The following CHRNA3 variants were observed in gnomAD, a reference collection of about 807,000 sequenced individuals.
CHRNA3 encodes cholinergic receptor nicotinic alpha 3 subunit, also known as neuronal acetylcholine receptor subunit alpha-3.
A neutral mutation model predicts 41.9 loss-of-function variants in CHRNA3; 34 were observed. The observed-to-expected ratio is 0.81, with a 90% CI of 0.62 to 1.08. The LOEUF is 1.08. Ranked by LOEUF, CHRNA3 falls within the 50% of genes least tolerant of loss-of-function variation. CHRNA3 has a pLI of 0.00. For missense variants in CHRNA3, 542 were observed against 638.3 expected (o/e 0.85, Z 1.63); for synonymous variants, 281 against 265.2 (o/e 1.06, Z -0.58).
downstream of CHRNA3, chr15:78,593,711 TTGATA>T (rs955565213): frequency 6.6e-6 from 1 of 152,454 alleles, no homozygotes; most frequent in African/African-American, 2.4e-5. Flanking sequence ...AGCTGACTAC[TTGATA>T]TAATTACTTA....
chr15:78,594,818 G>T (rs151172211), downstream of CHRNA3: 1 of 152,216 alleles, frequency 6.6e-6, no homozygotes, highest in East Asian at 1.9e-4. Flanking sequence ...TACAATAATA[G>T]AATCTTAGAG....
chr15:78,618,561 A>G (rs2053499971), intron 3 of CHRNA3, 56 bp downstream of exon 3: 1 of 1,606,816 alleles, frequency 6.2e-7, no homozygotes, highest in African/African-American at 1.3e-5. Context: ...GTTCACCTAA[A>G]GCAAATAAAA....
chr15:78,594,714 A>AATC (rs1486629058), downstream of CHRNA3: 1 of 152,232 alleles, frequency 6.6e-6, no homozygotes, highest in South Asian at 2.1e-4. Context: ...GTGAGAAAAC[A>AATC]ATCTTCTAAT....
chr15:78,611,624 C>A (rs182511257), intron 4 of CHRNA3, among the ~76,000 whole-genome samples: 1 of 151,974 alleles, frequency 6.6e-6, no homozygotes, highest in Non-Finnish European at 1.5e-5. Flanking sequence ...ATACTGAATG[C>A]GCACAAACTG....
chr15:78,620,561 G>A, intron 1 of CHRNA3, 152 bp downstream of exon 1: 2 of 1,298,922 alleles, frequency 1.5e-6, no homozygotes, highest in Admixed American at 8.2e-5. Flanking sequence ...GTCGCCGCCG[G>A]GCTGGAGCCA....
Position 78,601,489 on chromosome 15 carries a change from G to T in CHRNA3, c.1153C>A (p.Arg385Ser), listed in dbSNP as rs76018802. The T allele has an allele frequency of 6.2e-7, 1 of 1,614,044 alleles. No homozygotes were observed. The highest frequency in any genetic ancestry group is 1.3e-5 in the African/African-American group (1 of 74,912). Reference sequence around the variant, plus strand: ...TCCTTGCAGCCTTTGGACTCTGCGCGGCTGAAGCAATTCAGATTTGAGAGC... The same window carrying T: ...TCCTTGCAGCCTTTGGACTCTGCGCTGCTGAAGCAATTCAGATTTGAGAGC... Reference protein sequence around the residue: ...AELSNLNCFSRAESKGCKEGY... With the variant: ...AELSNLNCFSSAESKGCKEGY... Residue 385 changes from arginine to serine, a missense_variant, in exon 5 of 6, where the codon CGC (arginine) becomes AGC (serine). By Grantham distance (110) the Arg-to-Ser change is moderately radical (BLOSUM62 -1). Transcript: ENST00000326828.
At chr15:78,618,426 C>T (rs2053497775) in intron 3 of CHRNA3, 191 bp downstream of exon 3, 2 of 626,516 alleles carry the variant, frequency 3.2e-6, no homozygotes, top group Non-Finnish European at 2.8e-6. Flanking sequence ...CCCTACAGTC[C>T]TTCCAGGGGG....
At position 78,596,710 on chromosome 15, in the gene CHRNA3, A is replaced by G; in HGVS notation, c.1412T>C (p.Val471Ala). The G allele has an allele frequency of 3.7e-6, 6 of 1,611,304 alleles. No homozygotes were observed. The highest frequency in any genetic ancestry group is 5.1e-6 in the Non-Finnish European group (6 of 1,179,458). Reference sequence around the variant, plus strand: ...AAAAATACGATCAATCACCATGGCAACATACTTCCAATCATCTTGAATCTG... The same window carrying G: ...AAAAATACGATCAATCACCATGGCAGCATACTTCCAATCATCTTGAATCTG... ...AKEIQDDWKY[V>A]AMVIDRIFLW... The change falls in exon 6 of 6, where the codon GTT (valine) becomes GCT (alanine). Residue 471 changes from valine (V) to alanine (A), a missense_variant. Physicochemically the swap from Val to Ala is moderately conservative, Grantham distance 64 (BLOSUM62 0). Coordinates refer to ENST00000326828, the MANE Select transcript of CHRNA3 (RefSeq NM_000743.5).
Position 78,618,675 on chromosome 15 carries a change from T to C in CHRNA3, c.223-14A>G, listed in dbSNP as rs77368871. ...GTTTACTTCATCCTAGAAAGAGGAA[T>C]TAAAGTTGACAGGAGAATTACAAAA... On this transcript the variant is annotated splice_polypyrimidine_tract_variant and intron_variant, in intron 2 of 5. Transcript: ENST00000326828. 1,484 of 1,613,786 alleles carry C rather than the reference T, an allele frequency of 9.2e-4. 1 individual carries two copies. Among genetic ancestry groups the C allele is most frequent in the Non-Finnish European group, 1.2e-3 (1,451 of 1,180,006 alleles).
At chr15:78,618,387 C>A (rs2053497407) in intron 3 of CHRNA3, 5 of 567,062 alleles carry the variant, frequency 8.8e-6, no homozygotes, top group East Asian at 5.9e-5. Flanking sequence ...CAGGCTGCAA[C>A]CTGTCCATCT....
intron 4 of CHRNA3, among the ~76,000 whole-genome samples, chr15:78,604,343 G>A (rs542786670): frequency 3.9e-5 from 6 of 152,292 alleles, no homozygotes; most frequent in East Asian, 1.9e-4. Context: ...GAAAACTGAC[G>A]GTCAAAGGAC....
At chr15:78,604,230 G>A (rs751088278) in intron 4 of CHRNA3, among the ~76,000 whole-genome samples, 28 of 152,316 alleles carry the variant, frequency 1.8e-4, no homozygotes, top group African/African-American at 5.1e-4. Flanking sequence ...AGCTGTGACC[G>A]TCACTGTATG....
chr15:78,594,815 A>G (rs1033619194), downstream of CHRNA3: 2 of 152,242 alleles, frequency 1.3e-5, no homozygotes, highest in African/African-American at 4.8e-5. Context: ...AATTACAATA[A>G]TAGAATCTTA....
chr15:78,610,732 G>A (rs1011725752), intron 4 of CHRNA3, among the ~76,000 whole-genome samples: 1 of 151,354 alleles, frequency 6.6e-6, no homozygotes. Context: ...AATCAGAGCA[G>A]AACTGAAGGA....
chr15:78,595,253 A>T (rs2053083127), downstream of CHRNA3: 14 of 977,936 alleles, frequency 1.4e-5, no homozygotes, highest in African/African-American at 1.8e-5. Context: ...ATTTTTATAT[A>T]TAAATTTTTA....
At position 78,602,144 on chromosome 15, in the gene CHRNA3, G is replaced by C. The variant is rs1385977497; in HGVS notation, c.498C>G (p.Phe166Leu). 2 of 1,614,140 alleles carry C rather than the reference G, an allele frequency of 1.2e-6. No homozygotes were observed. Among genetic ancestry groups the C allele is most frequent in the South Asian group, 2.2e-5 (2 of 91,074 alleles). Residue 166 changes from phenylalanine to leucine, a missense_variant, in exon 5 of 6, where the codon TTC becomes TTG. Physicochemically the swap from Phe to Leu is conservative, Grantham distance 22 (BLOSUM62 0). Transcript: ENST00000326828. ...KSSCKIDVTY[F>L]PFDYQNCTMK... ...TGGTACAGTTTTGGTAATCAAACGG[G>C]AAGTAGGTCACGTCGATTTTACAGG... is the stretch of plus-strand genomic sequence containing the variant.
At chr15:78,620,364 C>A (rs76970094) in intron 1 of CHRNA3, 7,104 of 175,184 alleles carry the variant, frequency 0.041, 405 homozygotes, top group African/African-American at 0.15. Flanking sequence ...AGTTTGGGAG[C>A]CAGTGCGCGG....
chr15:78,611,919 G>A (rs8040544), intron 4 of CHRNA3, among the ~76,000 whole-genome samples: 64,923 of 151,654 alleles, frequency 0.43, 14,535 homozygotes, highest in African/African-American at 0.54. Context: ...ATTCTTACAC[G>A]CCAATAACAG....
intron 4 of CHRNA3, among the ~76,000 whole-genome samples, chr15:78,602,545 C>A (rs149720451): frequency 1.8e-4 from 28 of 152,332 alleles, no homozygotes; most frequent in African/African-American, 6.3e-4. Context: ...TGATAGACTC[C>A]CAAATGCCCG....
Sources: gnomAD v4.1 joint callset for allele counts (sites outside exome capture counted in the v4.1 genomes callset) on GRCh38, gnomAD v4.1.1 for gene constraint, MANE v1.5 for transcripts, NCBI Gene and HGNC (gene_info 2026-07-23, HGNC 2026-07-21) for gene names.